Variants in MAML3 observed in about 807,000 individuals in gnomAD.
MAML3 encodes the protein mastermind like transcriptional coactivator 3, also known as mastermind-like protein 3.
Under a neutral mutation model 101.9 loss-of-function variants are expected in MAML3, and 27 were observed. The ratio of observed to expected loss-of-function variants is 0.27; its 90% CI spans 0.20 to 0.37. The LOEUF (loss-of-function observed/expected upper bound fraction) is 0.37, where lower values mean the gene tolerates loss of function less well. MAML3 is among the 10% of genes least tolerant of loss of function. MAML3 has a pLI of 1.00. For missense variants in MAML3, 1,316 were observed against 1,444.9 expected (o/e 0.91, Z 1.45); for synonymous variants, 501 against 555.9 (o/e 0.90, Z 1.39).
chr4:140,030,687 CCCAGTCTCCCAG>C (rs1726893252), intron 1 of MAML3, among the ~76,000 whole-genome samples: 1 of 152,206 alleles, frequency 6.6e-6, no homozygotes, highest in African/African-American at 2.4e-5. Flanking sequence ...GGCTCTCCAT[CCCAGTCTCCCAG>C]CTTGCGGAGA....
intron 1 of MAML3, among the ~76,000 whole-genome samples, chr4:139,938,777 A>T (rs964213231): frequency 6.6e-6 from 1 of 152,248 alleles, no homozygotes; most frequent in African/African-American, 2.4e-5. Flanking sequence ...TGGATATTAT[A>T]TGTATTGTAA....
intron 1 of MAML3, among the ~76,000 whole-genome samples, chr4:140,131,227 A>G (rs1005710050): frequency 1.1e-4 from 17 of 152,188 alleles, no homozygotes; most frequent in African/African-American, 3.9e-4. Context: ...ACGCTATGCA[A>G]AGTTACTAAA....
Position 139,760,248 on chromosome 4 carries a change from G to A in MAML3, c.2080-29581C>T, listed in dbSNP as rs1231884915. Among the ~76,000 whole-genome samples the A allele has an allele frequency of 2.0e-5, 3 of 152,212 alleles. No individual in the cohort carries two copies. The East Asian group carries it at 5.8e-4, about 29-fold the overall frequency. ...TGAAAAGATGAGCTAAATTCTCCCT[G>A]TGGAGTTTCCAAGATGCTGAAAGTT... On this transcript the variant is annotated intron_variant, in intron 2 of 4. Coordinates refer to ENST00000509479, the MANE Select transcript of MAML3 (RefSeq NM_018717.5).
chr4:139,842,559 C>G (rs1204679624), intron 2 of MAML3, among the ~76,000 whole-genome samples: 1 of 151,944 alleles, frequency 6.6e-6, no homozygotes. Flanking sequence ...TGCTCTGCCA[C>G]CCAGGCTGGA....
At chr4:140,018,573 G>C (rs1726684746) in intron 1 of MAML3, among the ~76,000 whole-genome samples, 1 of 152,218 alleles carries the variant, frequency 6.6e-6, no homozygotes, top group Admixed American at 6.5e-5. Context: ...GGAAGGTAAA[G>C]TCTAATAGTT....
intron 2 of MAML3, chr4:139,888,593 G>T (rs1351624252): frequency 3.9e-6 from 2 of 519,046 alleles, no homozygotes; most frequent in Non-Finnish European, 7.7e-6. Flanking sequence ...TTCCCGACTG[G>T]TTGCTGCTCA....
intron 2 of MAML3, among the ~76,000 whole-genome samples, chr4:139,805,425 T>G (rs1276864341): frequency 6.6e-6 from 1 of 152,146 alleles, no homozygotes. Context: ...TTTTGCTGGG[T>G]TTTCTCATAG....
intron 1 of MAML3, among the ~76,000 whole-genome samples, chr4:140,111,973 G>T (rs1728445937): frequency 1.3e-5 from 2 of 152,100 alleles, no homozygotes; most frequent in Non-Finnish European, 2.9e-5. Context: ...TTTATAGACT[G>T]ACCCTTGGTT....
At chr4:139,778,151 A>G (rs1730125807) in intron 2 of MAML3, among the ~76,000 whole-genome samples, 1 of 152,258 alleles carries the variant, frequency 6.6e-6, no homozygotes, top group African/African-American at 2.4e-5. Flanking sequence ...TGGTTGAATG[A>G]AAAAATAAAA....
chr4:140,134,709 C>A (rs1335926647), intron 1 of MAML3: 2 of 246,038 alleles, frequency 8.1e-6, no homozygotes, highest in African/African-American at 4.6e-5. Flanking sequence ...CTTGTCCCAG[C>A]ACCATAACCC....
intron 2 of MAML3, among the ~76,000 whole-genome samples, chr4:139,829,577 C>T (rs1731126269): frequency 6.6e-6 from 1 of 152,178 alleles, no homozygotes; most frequent in Admixed American, 6.5e-5. Context: ...CTCCTATTTG[C>T]ATTAGTGACT....
In MAML3 at chr4:139,995,772, A is replaced by AT. The variant is rs201567456; in HGVS notation, c.469-104806dup. Among the ~76,000 whole-genome samples, 995 of 147,776 alleles carry AT rather than the reference A, an allele frequency of 6.7e-3. 12 individuals carry two copies. The highest frequency in any genetic ancestry group is 0.024 in the African/African-American group (948 of 40,072). On this transcript the variant is annotated intron_variant, in intron 1 of 4. Coordinates refer to ENST00000509479, the MANE Select transcript of MAML3 (RefSeq NM_018717.5). ...ACTTTTGGTTTCACTGATTTTCTCT[A>AT]TTTTTTTTCTTTTCTATTTTATTGA...
At chr4:140,058,691 G>A (rs188521951) in intron 1 of MAML3, among the ~76,000 whole-genome samples, 37 of 151,826 alleles carry the variant, frequency 2.4e-4, no homozygotes, top group Admixed American at 1.9e-3. Flanking sequence ...CTAGCTTTCT[G>A]GTATTCCCAT....
At chr4:139,988,020 C>CA (rs71593735) in intron 1 of MAML3, among the ~76,000 whole-genome samples, 6,478 of 31,358 alleles carry the variant, frequency 0.21, 1,108 homozygotes, top group East Asian at 0.55. Flanking sequence ...AACTCCGTCT[C>CA]AAAAAAAAAA....
At chr4:139,811,288 A>G (rs1730792104) in intron 2 of MAML3, among the ~76,000 whole-genome samples, 1 of 152,232 alleles carries the variant, frequency 6.6e-6, no homozygotes, top group African/African-American at 2.4e-5. Flanking sequence ...AAGGGCCTCC[A>G]TCATCCTGTG....
At chr4:140,108,828 G>C (rs1211404090) in intron 1 of MAML3, among the ~76,000 whole-genome samples, 1 of 151,968 alleles carries the variant, frequency 6.6e-6, no homozygotes, top group Non-Finnish European at 1.5e-5. Flanking sequence ...AGAAGCTGGG[G>C]CCACACTGCC....
rs1728097404 is a variant in MAML3 at position 139,718,709 on chromosome 4, T to A, written c.*614A>T. 6.5e-6 allele frequency: 1 copy of A among 152,806 alleles called. No homozygotes were observed. Among genetic ancestry groups the A allele is most frequent in the Admixed American group, 6.5e-5 (1 of 15,320 alleles). 9.5% of individuals were successfully genotyped at this position (152,806 alleles called of 1,614,324 possible). On this transcript the variant is annotated 3_prime_UTR_variant, in exon 5 of 5. Transcript: ENST00000509479. ...TCATCATGGGGCAGGAGACAGACAG[T>A]CCTGTAGGATCTGTGGTTGTCTCCT...
intron 1 of MAML3, among the ~76,000 whole-genome samples, chr4:139,929,416 G>A (rs1367197967): frequency 6.6e-6 from 1 of 152,154 alleles, no homozygotes; most frequent in Non-Finnish European, 1.5e-5. Flanking sequence ...ACTAGAAATT[G>A]CCCCCATTTT....
intron 2 of MAML3, among the ~76,000 whole-genome samples, chr4:139,858,763 C>A (rs1731713754): frequency 6.6e-6 from 1 of 152,112 alleles, no homozygotes; most frequent in Non-Finnish European, 1.5e-5. Context: ...TCACATGTGC[C>A]AGTCTATGGT....
Sources: gnomAD v4.1 joint callset for allele counts (sites outside exome capture counted in the v4.1 genomes callset) on GRCh38, gnomAD v4.1.1 for gene constraint, MANE v1.5 for transcripts, NCBI Gene and HGNC (gene_info 2026-07-23, HGNC 2026-07-21) for gene names.